The following FAM114A1 variants were observed in gnomAD, a reference collection of about 807,000 sequenced individuals.
FAM114A1 encodes protein NOXP20.
A neutral mutation model predicts 64.3 loss-of-function variants in FAM114A1; 62 were observed. That is an observed-to-expected ratio of 0.96 (90% CI 0.79 to 1.19). The LOEUF is 1.19. FAM114A1 is among the 50% of genes most tolerant of loss of function. FAM114A1 has a pLI of 0.00. For missense variants in FAM114A1, 645 were observed against 676.3 expected, an observed-to-expected ratio of 0.95 and a Z score of 0.51; for synonymous variants, 254 against 251.1, an observed-to-expected ratio of 1.01 and a Z score of -0.11.
intron 3 of FAM114A1, among the ~76,000 whole-genome samples, chr4:38,890,358 G>T (rs949976629): frequency 6.8e-6 from 1 of 146,742 alleles, no homozygotes; most frequent in Admixed American, 7.0e-5. Flanking sequence ...AGCTGAGATC[G>T]CACCACTGCA....
intron 3 of FAM114A1, among the ~76,000 whole-genome samples, chr4:38,887,275 GAATCTCACA>G (rs1164796070): frequency 1.3e-5 from 2 of 152,190 alleles, no homozygotes; most frequent in African/African-American, 4.8e-5. Context: ...GGCTTCACGT[GAATCTCACA>G]AATCTCACTG....
At chr4:38,870,850 T>A (rs1713985492) in intron 2 of FAM114A1, among the ~76,000 whole-genome samples, 1 of 152,148 alleles carries the variant, frequency 6.6e-6, no homozygotes, top group Non-Finnish European at 1.5e-5. Context: ...AAACACACAG[T>A]TTCTAGTGGT....
chr4:38,923,233 T>TC (rs1719785693), intron 9 of FAM114A1, among the ~76,000 whole-genome samples: 1 of 150,898 alleles, frequency 6.6e-6, no homozygotes, highest in South Asian at 2.1e-4. Context: ...ACTTTTTTTT[T>TC]TTTTTTTTTG....
In FAM114A1 at chr4:38,941,133, T is replaced by C. The variant is rs1013383000; in HGVS notation, c.1590+112T>C. The C allele has an allele frequency of 6.4e-6, 6 of 931,798 alleles. No homozygotes were observed. In the Admixed American group the frequency reaches 1.5e-4, roughly 23 times the overall value. The allele number at this position is 931,798 out of a possible 1,614,324, so 57.7% of individuals were successfully genotyped here. A position where few individuals can be genotyped will look rare whatever the true frequency, so the allele number is the denominator to read the frequency against. ...GCAAATGTTATTGCAATTCTGAATC[T>C]CATCATCAGGTCTTTTTTGAGTAAA... On this transcript the variant is annotated intron_variant, in intron 14 of 14. Coordinates refer to ENST00000358869, the MANE Select transcript of FAM114A1 (RefSeq NM_138389.4).
chr4:38,909,599 A>G (rs1050528063), intron 7 of FAM114A1, among the ~76,000 whole-genome samples: 1 of 152,218 alleles, frequency 6.6e-6, no homozygotes, highest in Non-Finnish European at 1.5e-5. Flanking sequence ...TCCAGATGGA[A>G]CATGCCTAGC....
chr4:38,931,398 T>C (rs1035452926), intron 10 of FAM114A1, 53 bp from the exon 11 acceptor site: 9 of 1,549,796 alleles, frequency 5.8e-6, no homozygotes, highest in Non-Finnish European at 7.8e-6. Flanking sequence ...TTGGAATGAC[T>C]TAGTTTCCAT....
chr4:38,882,894 G>C (rs983920677), intron 3 of FAM114A1, among the ~76,000 whole-genome samples: 1 of 152,234 alleles, frequency 6.6e-6, no homozygotes, highest in African/African-American at 2.4e-5. Flanking sequence ...CAGGTGGCCA[G>C]AGTCAAGGAG....
chr4:38,873,768 A>T (rs1350302570), intron 2 of FAM114A1, among the ~76,000 whole-genome samples: 2 of 152,174 alleles, frequency 1.3e-5, no homozygotes, highest in Non-Finnish European at 2.9e-5. Flanking sequence ...TTAAGGTTTT[A>T]TAGGAAATCG....
intron 3 of FAM114A1, among the ~76,000 whole-genome samples, chr4:38,890,134 G>C (rs1185551096): frequency 6.6e-6 from 1 of 152,172 alleles, no homozygotes; most frequent in Non-Finnish European, 1.5e-5. Context: ...GGCTGGGCAT[G>C]GTGGCTCACA....
At chr4:38,884,631 T>C (rs1449382280) in intron 3 of FAM114A1, among the ~76,000 whole-genome samples, 1 of 152,250 alleles carries the variant, frequency 6.6e-6, no homozygotes, top group Non-Finnish European at 1.5e-5. Context: ...GATCACATTG[T>C]ACCACACTGA....
intron 9 of FAM114A1, among the ~76,000 whole-genome samples, chr4:38,926,698 CA>C (rs1446266190): frequency 1.3e-5 from 2 of 152,134 alleles, no homozygotes; most frequent in Admixed American, 6.5e-5. Context: ...TCAAGTGATC[CA>C]ACCACGTTGG....
rs572836379 is a variant in FAM114A1, at chr4:38,931,497, T to A, written c.1208T>A (p.Val403Glu). 14 of 1,613,900 alleles carry A rather than the reference T, an allele frequency of 8.7e-6. No homozygotes were observed. The highest frequency in any genetic ancestry group is 1.7e-5 in the Admixed American group (1 of 59,970). ...TGGGTGGAAGAGGATCAAACCGTGG[T>A]GTCAGTAGATGTGGCAAAAGTGTCC... ...HDWVEEDQTV[V>E]SVDVAKVSEE... is the part of the protein sequence containing the mutation. The change falls in exon 11 of 15, where the codon GTG (valine) becomes GAG (glutamate). Residue 403 changes from valine to glutamate, a missense_variant. Physicochemically the swap from Val to Glu is moderately radical, Grantham distance 121. Coordinates refer to ENST00000358869, the MANE Select transcript of FAM114A1 (RefSeq NM_138389.4).
chr4:38,943,553 C>A lies in FAM114A1; in HGVS notation c.1688C>A (p.Pro563Gln). ...CAGACCAGTTGTTTGAAAGCACAGC[C>A]GTGACCTGGCCAGACTCCATCTAGT... ...HIQTSCLKAQ[P>Q] The change falls in exon 15 of 15, where the codon CCG becomes CAG. Residue 563 changes from proline to glutamine, a missense_variant. Pro to Gln is a moderately conservative substitution (Grantham distance 76). Transcript: ENST00000358869. 6.2e-7 allele frequency: 1 copy of A among 1,613,600 alleles called. No individual in the cohort carries two copies. Among genetic ancestry groups the A allele is most frequent in the South Asian group, 1.1e-5 (1 of 91,000 alleles).
chr4:38,898,322 T>C (rs185995333), intron 4 of FAM114A1, among the ~76,000 whole-genome samples: 23 of 152,318 alleles, frequency 1.5e-4, no homozygotes, highest in African/African-American at 5.5e-4. Flanking sequence ...ACTCATCCTC[T>C]CCCAAGGTAC....
chr4:38,893,767 C>CA (rs1716626499), intron 4 of FAM114A1, among the ~76,000 whole-genome samples: 1 of 152,204 alleles, frequency 6.6e-6, no homozygotes, highest in Non-Finnish European at 1.5e-5. Flanking sequence ...CTGACCTTTG[C>CA]ACACATGCAG....
chr4:38,897,540 C>T (rs2109634425), intron 4 of FAM114A1, among the ~76,000 whole-genome samples: 1 of 152,320 alleles, frequency 6.6e-6, no homozygotes, highest in East Asian at 1.9e-4. Flanking sequence ...TTAACTCTTG[C>T]ATTAGGCTCA....
chr4:38,894,253 G>A (rs112831228), intron 4 of FAM114A1, among the ~76,000 whole-genome samples: 72 of 151,450 alleles, frequency 4.8e-4, no homozygotes, highest in African/African-American at 9.9e-4. Context: ...CTTAATCTGC[G>A]GCCTGTGCTT....
chr4:38,931,322 G>T, intron 10 of FAM114A1, 129 bp from the exon 11 acceptor site: 10 of 1,114,222 alleles, frequency 9.0e-6, no homozygotes, highest in East Asian at 2.8e-5. Flanking sequence ...AAATTGCCCC[G>T]TCATCCTCCA....
At chr4:38,902,898 G>T (rs1717645322) in intron 4 of FAM114A1, among the ~76,000 whole-genome samples, 1 of 152,148 alleles carries the variant, frequency 6.6e-6, no homozygotes, top group African/African-American at 2.4e-5. Flanking sequence ...GACACTAGAT[G>T]TCACACTAAG....
Sources: allele counts gnomAD v4.1 joint callset (sites outside exome capture counted in the v4.1 genomes callset), GRCh38; gene constraint gnomAD v4.1.1; transcripts MANE v1.5; gene names NCBI Gene and HGNC (gene_info 2026-07-23, HGNC 2026-07-21).